The following PDIA5 variants were observed in gnomAD, a reference collection of about 807,000 sequenced individuals.
The protein encoded by PDIA5 is protein disulfide isomerase family A member 5.
A neutral mutation model predicts 77.6 loss-of-function variants in PDIA5; 58 were observed. The ratio of observed to expected loss-of-function variants is 0.75; its 90% CI spans 0.61 to 0.93. PDIA5 has a LOEUF of 0.93. Among genes scored for constraint, PDIA5 ranks in the 40% least tolerant of loss-of-function variants. The pLI, the probability that PDIA5 is intolerant of heterozygous loss-of-function variation, is 0.00. For synonymous variants in PDIA5, 250 were observed against 252.1 expected, an observed-to-expected ratio of 0.99 and a Z score of 0.08; for missense variants, 630 against 647.7, an observed-to-expected ratio of 0.97 and a Z score of 0.30.
At position 123,131,460 on chromosome 3, in the gene PDIA5, A is replaced by T. The variant is rs569385842; in HGVS notation, c.910+844A>T. 1.2e-4 allele frequency among the ~76,000 whole-genome samples: 18 copies of T among 146,422 alleles called. No homozygotes were observed. The South Asian group carries it at 1.5e-3, about 12-fold the overall frequency. ...GTCTCTAAAAACAATTTTTTAATTT[A>T]AAAAAAAAAGATATTATCTAGGGCA... is the stretch of plus-strand genomic sequence containing the variant. On this transcript the variant is annotated intron_variant, in intron 11 of 16. Coordinates refer to ENST00000316218, the MANE Select transcript of PDIA5 (RefSeq NM_006810.4).
At chr3:123,155,188 G>A (rs1292895934) in intron 15 of PDIA5, 147 bp downstream of exon 15, 4 of 664,582 alleles carry the variant, frequency 6.0e-6, no homozygotes, top group Non-Finnish European at 1.1e-5. Flanking sequence ...ATTCTCTTTA[G>A]AAGGAAGATA....
intron 8 of PDIA5, among the ~76,000 whole-genome samples, chr3:123,123,324 T>C (rs1003664299): frequency 4.6e-5 from 7 of 152,200 alleles, no homozygotes; most frequent in South Asian, 2.1e-4. Context: ...TAAAATACTC[T>C]TTCTGATTCA....
intron 1 of PDIA5, among the ~76,000 whole-genome samples, chr3:123,070,384 T>C (rs981282189): frequency 6.6e-5 from 10 of 152,240 alleles, no homozygotes; most frequent in African/African-American, 2.2e-4. Flanking sequence ...TCTTTGCTTA[T>C]GCTTTTCTGT....
chr3:123,151,899 GCCTGCCTTCCTT>G (rs1935913825), intron 14 of PDIA5, among the ~76,000 whole-genome samples: 1 of 120,648 alleles, frequency 8.3e-6, no homozygotes. Context: ...CTTCCTTCCT[GCCTGCCTTCCTT>G]CCTGCCTTCC....
intron 8 of PDIA5, among the ~76,000 whole-genome samples, chr3:123,117,492 T>G (rs1395589777): frequency 1.3e-5 from 2 of 150,532 alleles, no homozygotes; most frequent in East Asian, 3.9e-4. Flanking sequence ...CCTGAATAGC[T>G]GGGACTTCAG....
intron 3 of PDIA5, 55 bp downstream of exon 3, chr3:123,092,497 C>A: frequency 7.8e-7 from 1 of 1,274,690 alleles, no homozygotes; most frequent in Non-Finnish European, 1.1e-6. Context: ...GCACTTGGGG[C>A]TTTGATTGGT....
intron 14 of PDIA5, 78 bp downstream of exon 14, chr3:123,150,442 A>C (rs1576465184): frequency 7.1e-6 from 10 of 1,409,410 alleles, no homozygotes. Context: ...CCGCACACCC[A>C]CCCCAGGGAC....
chr3:123,137,857 A>G (rs1422658810), intron 11 of PDIA5, among the ~76,000 whole-genome samples: 2 of 152,224 alleles, frequency 1.3e-5, no homozygotes, highest in East Asian at 3.8e-4. Flanking sequence ...TTAGGATATT[A>G]AAATAGTGCC....
At chr3:123,069,110 T>C (rs1576428371) in intron 1 of PDIA5, among the ~76,000 whole-genome samples, 2 of 152,022 alleles carry the variant, frequency 1.3e-5, no homozygotes, top group African/African-American at 2.4e-5. Flanking sequence ...GGGTAGGAGG[T>C]GGAGGGAGCA....
chr3:123,116,163 G>T, intron 7 of PDIA5, 68 bp from the exon 8 acceptor site: 1 of 1,280,672 alleles, frequency 7.8e-7, no homozygotes, highest in Admixed American at 1.7e-5. Flanking sequence ...CCATGGGGAG[G>T]CAGGGCAGGG....
At chr3:123,161,235 G>A (rs887442990) in intron 15 of PDIA5, 86 bp from the exon 16 acceptor site, 11 of 1,407,464 alleles carry the variant, frequency 7.8e-6, no homozygotes, top group East Asian at 4.6e-5. Flanking sequence ...GGCCTGTGAC[G>A]TGGACTAGAT....
intron 13 of PDIA5, among the ~76,000 whole-genome samples, chr3:123,146,814 T>A (rs982487993): frequency 6.9e-6 from 1 of 144,124 alleles, no homozygotes; most frequent in African/African-American, 2.4e-5. Context: ...TTCTTACAAT[T>A]TTGTTTTGTT....
intron 3 of PDIA5, 30 bp downstream of exon 3, chr3:123,092,472 C>G (rs1478780305): frequency 6.4e-7 from 1 of 1,557,268 alleles, no homozygotes; most frequent in South Asian, 1.1e-5. Context: ...GCCATGGTGG[C>G]TGCTGGGCAG....
intron 11 of PDIA5, among the ~76,000 whole-genome samples, chr3:123,131,481 G>C (rs1344421787): frequency 6.6e-6 from 1 of 151,242 alleles, no homozygotes; most frequent in Non-Finnish European, 1.5e-5. Context: ...ATATTATCTA[G>C]GGCAGTAGTC....
intron 3 of PDIA5, among the ~76,000 whole-genome samples, chr3:123,095,722 T>A (rs1435219700): frequency 6.7e-6 from 1 of 148,412 alleles, no homozygotes; most frequent in Non-Finnish European, 1.5e-5. Flanking sequence ...GCACTCCAGC[T>A]TGGGCTACAA....
intron 1 of PDIA5, among the ~76,000 whole-genome samples, chr3:123,069,331 G>A (rs1933666546): frequency 6.6e-6 from 1 of 152,188 alleles, no homozygotes; most frequent in Non-Finnish European, 1.5e-5. Context: ...CGTGTACAGG[G>A]ATATACACCC....
Position 123,122,043 on chromosome 3 carries a change from T to A in PDIA5, c.610-2023T>A, listed in dbSNP as rs760852219. ...TGTGCAGAAATCTCAGACTGTCTTA[T>A]TCCTGGGAGAATAAAAAATCTAGAC... On this transcript the variant is annotated intron_variant, in intron 8 of 16. Coordinates refer to ENST00000316218, the MANE Select transcript of PDIA5 (RefSeq NM_006810.4). 3.4e-4 allele frequency among the ~76,000 whole-genome samples: 51 copies of A among 152,204 alleles called. 1 individual carries two copies. Among genetic ancestry groups the A allele is most frequent in the Non-Finnish European group, 6.8e-4 (46 of 68,038 alleles).
In PDIA5 at chr3:123,084,990, C is replaced by T. The variant is rs1576435381; in HGVS notation, c.43-4178C>T. Among the ~76,000 whole-genome samples the T allele has an allele frequency of 2.0e-5, 3 of 152,290 alleles. No individual in the cohort carries two copies. The East Asian group carries it at 5.8e-4, about 29-fold the overall frequency. The stretch of plus-strand genomic sequence containing the variant: ...ACTCTCTTCCTGCACCAGGCCAGGT[C>T]CTTGGGCAGGCTTTGAAGAGCCCAG... On this transcript the variant is annotated intron_variant, in intron 1 of 16. Transcript: ENST00000316218.
At chr3:123,085,641 A>T (rs964456413) in intron 1 of PDIA5, among the ~76,000 whole-genome samples, 1 of 152,104 alleles carries the variant, frequency 6.6e-6, no homozygotes, top group Admixed American at 6.5e-5. Context: ...GCTCAGCTGC[A>T]CACACCGCTG....
Sources: gnomAD v4.1 joint callset for allele counts (sites outside exome capture counted in the v4.1 genomes callset) on GRCh38, gnomAD v4.1.1 for gene constraint, MANE v1.5 for transcripts, NCBI Gene and HGNC (gene_info 2026-07-23, HGNC 2026-07-21) for gene names.